The following NPIPA5 variants were observed in gnomAD, a reference collection of about 807,000 sequenced individuals.
NPIPA5 encodes nuclear pore complex interacting protein family member A5, also known as nuclear pore complex-interacting protein family member A5.
Under a neutral mutation model 21.4 loss-of-function variants are expected in NPIPA5, and 6 were observed. That is an observed-to-expected ratio of 0.28 (90% CI 0.15 to 0.55). NPIPA5 has a LOEUF of 0.55. NPIPA5 is among the 20% of genes least tolerant of loss of function. NPIPA5 has a pLI of 0.93. For synonymous variants in NPIPA5, 33 were observed against 115.3 expected (o/e 0.29, Z 4.57); for missense variants, 99 against 318.2 (o/e 0.31, Z 5.24).
Position 15,363,774 on chromosome 16 carries a change from AGCAGACACTCGGCAGGTGTCTTGAG to A in NPIPA5, c.913_937del (p.Leu305SerfsTer33), listed in dbSNP as rs2049917201. ...TGGAGCTGAGGGTGGAAGGGGAGTG[AGCAGACACTCGGCAGGTGTCTTGAG>A]ATTATCATCCGCTGAGGGTAGAGCT... is the stretch of plus-strand genomic sequence containing the variant. On this transcript the variant is annotated frameshift_variant, in exon 8 of 8. Transcript: ENST00000360151. LOFTEE classifies it high-confidence loss of function. 7.7e-7 allele frequency: 1 copy of A among 1,299,434 alleles called. No homozygotes were observed. The highest frequency in any genetic ancestry group is 2.4e-5 in the Admixed American group (1 of 41,224). The allele number at this position is 1,299,434 out of a possible 1,614,324, so 80.5% of individuals were successfully genotyped here.
chr16:15,380,348 A>G (rs1351374211), upstream of NPIPA5, among the ~76,000 whole-genome samples: 1 of 150,012 alleles, frequency 6.7e-6, no homozygotes, highest in Non-Finnish European at 1.5e-5. Flanking sequence ...TTTTTGACAG[A>G]GTCTCGCTCT....
chr16:15,379,237 C>T (rs1170003783), upstream of NPIPA5, among the ~76,000 whole-genome samples: 1 of 152,176 alleles, frequency 6.6e-6, no homozygotes, highest in South Asian at 2.1e-4. Flanking sequence ...AATGCCTTTA[C>T]CATAAATAGA....
Position 15,372,943 on chromosome 16 carries a change from G to GTCA in NPIPA5, c.192+769_192+771dup, listed in dbSNP as rs1370409137. On this transcript the variant is annotated intron_variant, in intron 2 of 7. Transcript: ENST00000360151. ...AGTGGGAACATGCACTTTGAATGAT[G>GTCA]TCATTCAAAATTACCCTGCCCAGAC... Among the ~76,000 whole-genome samples the GTCA allele has an allele frequency of 1.4e-5, 2 of 141,444 alleles. 1 individual carries two copies. The highest frequency in any genetic ancestry group is 3.1e-5 in the Non-Finnish European group (2 of 65,302). 92.8% of individuals were successfully genotyped at this position (141,444 alleles called of 152,430 possible).
At chr16:15,381,211 C>G, upstream of NPIPA5, 1 of 151,524 alleles carries the variant, frequency 6.6e-6, no homozygotes, top group Non-Finnish European at 1.4e-5. Context: ...CTTTGAATTT[C>G]TACTTCATGC....
chr16:15,370,283 C>T lies in NPIPA5; in HGVS notation c.193-164G>A, dbSNP rs1024109066. Among the ~76,000 whole-genome samples the T allele has an allele frequency of 2.8e-5, 4 of 144,520 alleles. 1 individual carries two copies. The highest frequency in any genetic ancestry group is 4.5e-5 in the Non-Finnish European group (3 of 66,390). 94.8% of individuals were successfully genotyped at this position (144,520 alleles called of 152,430 possible). The stretch of plus-strand genomic sequence containing the variant: ...CTCTACTAAAAATACAAAAATTAGC[C>T]GGGCATGGCAGTGGGCGCCTGTAAT... On this transcript the variant is annotated intron_variant, in intron 2 of 7. Transcript: ENST00000360151.
intron 2 of NPIPA5, among the ~76,000 whole-genome samples, chr16:15,372,051 A>T (rs2050168865): frequency 6.7e-6 from 1 of 148,202 alleles, no homozygotes; most frequent in African/African-American, 2.5e-5. Context: ...ATCACACATG[A>T]ATGCTTCATG....
intron 4 of NPIPA5, among the ~76,000 whole-genome samples, chr16:15,369,157 T>TAAAA (rs1205864138): frequency 8.0e-6 from 1 of 125,008 alleles, no homozygotes; most frequent in Non-Finnish European, 1.7e-5. Flanking sequence ...ATCTCAAAAT[T>TAAAA]AAAAAAAAAA....
chr16:15,380,483 C>T (rs548590396), upstream of NPIPA5, among the ~76,000 whole-genome samples: 2 of 152,042 alleles, frequency 1.3e-5, no homozygotes, highest in Admixed American at 6.6e-5. Context: ...CCACCATGCC[C>T]GGCTAATTTT....
chr16:15,374,119 T>C (rs1170499010), intron 1 of NPIPA5, among the ~76,000 whole-genome samples: 2 of 147,612 alleles, frequency 1.4e-5, no homozygotes, highest in Non-Finnish European at 3.0e-5. Flanking sequence ...CCTGCCTATA[T>C]TAAAAGAAGC....
intron 4 of NPIPA5, among the ~76,000 whole-genome samples, chr16:15,369,462 AAG>A (rs916913481): frequency 2.6e-5 from 4 of 151,802 alleles, no homozygotes; most frequent in African/African-American, 7.3e-5. Context: ...AAAAAAAAAA[AAG>A]AGAGAGAGAA....
At chr16:15,381,138 A>C, upstream of NPIPA5, 1 of 1,517,732 alleles carries the variant, frequency 6.6e-7, no homozygotes, top group Non-Finnish European at 8.8e-7. Flanking sequence ...AAACAAGGTG[A>C]TGTTTGAGTC....
chr16:15,372,314 G>A (rs934976634), intron 2 of NPIPA5, among the ~76,000 whole-genome samples: 8 of 147,704 alleles, frequency 5.4e-5, no homozygotes, highest in South Asian at 2.2e-4. Flanking sequence ...GTAAAACCCC[G>A]ACTCTACTAA....
chr16:15,372,383 G>A (rs1281190543), intron 2 of NPIPA5, among the ~76,000 whole-genome samples: 2 of 147,612 alleles, frequency 1.4e-5, no homozygotes, highest in African/African-American at 4.9e-5. Context: ...TACTTGAGAG[G>A]CTGAGGCAGG....
Position 15,372,790 on chromosome 16 carries a change from GC to G in NPIPA5, c.192+924del, listed in dbSNP as rs1442358382. Among the ~76,000 whole-genome samples the G allele has an allele frequency of 4.1e-5, 6 of 144,988 alleles. No homozygotes were observed. In the East Asian group the frequency reaches 6.2e-4, roughly 15 times the overall value. On this transcript the variant is annotated intron_variant, in intron 2 of 7. Transcript: ENST00000360151. ...AACCACATTTTTACTGTCATGAATG[GC>G]AAGACAAAATGTAGAGCTCAACTTA...
At chr16:15,369,131 G>A (rs1188769182) in intron 4 of NPIPA5, among the ~76,000 whole-genome samples, 27 of 146,174 alleles carry the variant, frequency 1.8e-4, no homozygotes, top group South Asian at 9.0e-4. Context: ...CAGCCTGGGC[G>A]ACAGAGCGAG....
chr16:15,367,638 C>T (rs369745333), intron 4 of NPIPA5, among the ~76,000 whole-genome samples: 39 of 150,878 alleles, frequency 2.6e-4, no homozygotes, highest in South Asian at 4.2e-4. Flanking sequence ...ATTCCCAGAA[C>T]GCTAGGAAAC....
At chr16:15,369,445 C>T (rs202062901) in intron 4 of NPIPA5, among the ~76,000 whole-genome samples, 10 of 149,760 alleles carry the variant, frequency 6.7e-5, no homozygotes, top group East Asian at 3.9e-4. Context: ...AAAGCTCCGT[C>T]TCAGGAAAAA....
intron 2 of NPIPA5, among the ~76,000 whole-genome samples, chr16:15,371,498 G>C (rs2050154073): frequency 6.7e-6 from 1 of 148,198 alleles, no homozygotes; most frequent in Non-Finnish European, 1.5e-5. Context: ...AATCTCCTGA[G>C]GTAGTCATTG....
At chr16:15,373,003 AAG>A (rs1192305088) in intron 2 of NPIPA5, among the ~76,000 whole-genome samples, 5 of 119,718 alleles carry the variant, frequency 4.2e-5, no homozygotes, top group Admixed American at 1.0e-4. Flanking sequence ...GGGCAGTTCT[AAG>A]AGATTCTCTG....
Sources: gnomAD v4.1 joint callset for allele counts (sites outside exome capture counted in the v4.1 genomes callset) on GRCh38, gnomAD v4.1.1 for gene constraint, MANE v1.5 for transcripts, NCBI Gene and HGNC (gene_info 2026-07-23, HGNC 2026-07-21) for gene names.